The following OTULIN variants were observed in gnomAD, a reference collection of about 807,000 sequenced individuals.
OTULIN encodes ubiquitin thioesterase otulin.
A neutral mutation model predicts 39.6 loss-of-function variants in OTULIN; 15 were observed. The ratio of observed to expected loss-of-function variants is 0.38; its 90% confidence interval spans 0.25 to 0.58. The LOEUF is 0.58. Ranked by LOEUF, OTULIN falls within the 20% of genes least tolerant of loss-of-function variation. The probability of loss-of-function intolerance (pLI) is 0.66; values close to 1 mark genes in which losing one functional copy is unlikely to be tolerated. For synonymous variants in OTULIN, 156 were observed against 170.3 expected (o/e 0.92, Z 0.65); for missense variants, 319 against 445.9 (o/e 0.72, Z 2.56).
the OTULIN span, chr5:14,709,670 A>G: frequency 6.6e-6 from 1 of 152,578 alleles, no homozygotes; most frequent in Non-Finnish European, 1.5e-5. Context: ...CCAGTTACCC[A>G]TAATGAAAAA....
chr5:14,687,800 C>T (rs769082831), intron 5 of OTULIN, 154 bp downstream of exon 5: 33 of 872,852 alleles, frequency 3.8e-5, no homozygotes, highest in Non-Finnish European at 5.0e-5. Flanking sequence ...ACTCTTCCCA[C>T]GAGGGCTTTA....
intron 6 of OTULIN, 97 bp from the exon 7 acceptor site, chr5:14,692,757 C>T: frequency 1.0e-6 from 1 of 999,690 alleles, no homozygotes; most frequent in South Asian, 1.6e-5. Context: ...GTGGCTTCAC[C>T]ATTGCTGTGC....
At chr5:14,716,243 T>C in the OTULIN span, among the ~76,000 whole-genome samples, 23 of 152,200 alleles carry the variant, frequency 1.5e-4, no homozygotes, top group Non-Finnish European at 3.1e-4. Flanking sequence ...GGCTCACGCC[T>C]GTAATCCCAG....
chr5:14,714,319 G>T, the OTULIN span, among the ~76,000 whole-genome samples: 1 of 152,240 alleles, frequency 6.6e-6, no homozygotes, highest in Non-Finnish European at 1.5e-5. Context: ...CTGCAGGAGG[G>T]CCATGGGTGG....
intron 2 of OTULIN, among the ~76,000 whole-genome samples, chr5:14,676,598 A>T (rs1340103835): frequency 1.3e-5 from 2 of 152,034 alleles, no homozygotes; most frequent in Non-Finnish European, 2.9e-5. Flanking sequence ...CCCCTCAGTC[A>T]TGGGGTGCTG....
At chr5:14,711,406 C>A in the OTULIN span, 5 of 1,066,942 alleles carry the variant, frequency 4.7e-6, no homozygotes, top group Non-Finnish European at 7.3e-6. Context: ...CTTGGGGGAC[C>A]CCTCACTGTA....
At chr5:14,713,657 C>T in the OTULIN span, 2 of 1,614,042 alleles carry the variant, frequency 1.2e-6, no homozygotes, top group Non-Finnish European at 1.7e-6. The surrounding 1 kb of genome is among the most constrained non-coding windows in gnomAD (Gnocchi z 4.4). Context: ...TGAGATGCGC[C>T]CTCACTGTGA....
At chr5:14,688,320 CT>C (rs1736438083) in intron 5 of OTULIN, among the ~76,000 whole-genome samples, 1 of 152,142 alleles carries the variant, frequency 6.6e-6, no homozygotes, top group Non-Finnish European at 1.5e-5. Context: ...GGGCCTGTCA[CT>C]TGCGCCAGGG....
chr5:14,712,798 T>C, the OTULIN span: 3 of 1,420,666 alleles, frequency 2.1e-6, no homozygotes, highest in Middle Eastern at 2.2e-4. Context: ...CCATCCAACC[T>C]GGTCAGTGGC....
downstream of OTULIN, among the ~76,000 whole-genome samples, chr5:14,701,820 A>G (rs1011234596): frequency 6.6e-6 from 1 of 152,016 alleles, no homozygotes; most frequent in African/African-American, 2.4e-5. Context: ...CACCCGTGTT[A>G]AGTGTCAGGC....
chr5:14,666,867 A>C (rs905024827), intron 1 of OTULIN, among the ~76,000 whole-genome samples: 5 of 152,192 alleles, frequency 3.3e-5, no homozygotes, highest in African/African-American at 1.2e-4. Context: ...CTCACGGCCT[A>C]GAGAAACTAG....
rs1736613759 is a variant in OTULIN, at chr5:14,694,414, G to T, written c.*1366G>T. ...CATGAACCGGAGACATCACTCTTTAGGATTCTACTGGCAGCCCCTGAATTG... is the reference window on the plus strand; with the variant it reads ...CATGAACCGGAGACATCACTCTTTATGATTCTACTGGCAGCCCCTGAATTG... On this transcript the variant is annotated 3_prime_UTR_variant, in exon 7 of 7. Transcript: ENST00000284274. 1 of 152,206 alleles carries T rather than the reference G, an allele frequency of 6.6e-6. No individual in the cohort carries two copies. 9.4% of individuals were successfully genotyped at this position (152,206 alleles called of 1,614,324 possible).
chr5:14,699,779 G>C lies in OTULIN; in HGVS notation c.*6731G>C, dbSNP rs31993. The stretch of plus-strand genomic sequence containing the variant: ...TCTATTGACCGCTTCCGTCTTGCCT[G>C]AAACCTGGGCATTCTTTCTGTAGTT... On this transcript the variant is annotated 3_prime_UTR_variant, in exon 7 of 7. Coordinates refer to ENST00000284274, the MANE Select transcript of OTULIN (RefSeq NM_138348.6). 6,526 of 152,352 alleles carry C rather than the reference G, an allele frequency of 0.043. 188 individuals are homozygous for C. The highest frequency in any genetic ancestry group is 0.085 in the Admixed American group (1,307 of 15,308). The allele number at this position is 152,352 out of a possible 1,614,324, so 9.4% of individuals were successfully genotyped here.
the OTULIN span, chr5:14,712,862 C>T: frequency 6.5e-5 from 103 of 1,595,860 alleles, no homozygotes; most frequent in South Asian, 2.5e-4. Flanking sequence ...GCTCCCGGCG[C>T]GGCTGTCTCA....
At chr5:14,672,852 G>T (rs771739664) in intron 1 of OTULIN, among the ~76,000 whole-genome samples, 7 of 152,316 alleles carry the variant, frequency 4.6e-5, no homozygotes, top group Non-Finnish European at 1.0e-4. Context: ...ATGAAAGATA[G>T]AATTTGGGTT....
the OTULIN span, chr5:14,713,059 T>G: frequency 1.5e-6 from 2 of 1,317,228 alleles, no homozygotes; most frequent in Non-Finnish European, 1.1e-6. The surrounding 1 kb of genome is among the most constrained non-coding windows in gnomAD (Gnocchi z 4.4). Context: ...AAAGTAAGTG[T>G]AGCCTCGAGA....
At chr5:14,708,268 T>C in the OTULIN span, 1 of 152,182 alleles carries the variant, frequency 6.6e-6, no homozygotes, top group Non-Finnish European at 1.5e-5. Context: ...CTATTATTTC[T>C]CAGCATCTAA....
At chr5:14,705,375 C>T in the OTULIN span, 32 of 152,038 alleles carry the variant, frequency 2.1e-4, no homozygotes, top group African/African-American at 7.0e-4. Flanking sequence ...TCTCATACGA[C>T]GTTCTAAATC....
chr5:14,677,872 A>G (rs896528916), intron 2 of OTULIN, among the ~76,000 whole-genome samples: 1 of 152,244 alleles, frequency 6.6e-6, no homozygotes, highest in Non-Finnish European at 1.5e-5. Context: ...ACTCATTGTT[A>G]GAAGTGTTTT....
Sources: allele counts gnomAD v4.1 joint callset (sites outside exome capture counted in the v4.1 genomes callset), GRCh38; gene constraint gnomAD v4.1.1; non-coding constraint Gnocchi (gnomAD v3.1); transcripts MANE v1.5; gene names NCBI Gene and HGNC (gene_info 2026-07-23, HGNC 2026-07-21).